The following IDE variants were observed in gnomAD, a reference collection of about 807,000 sequenced individuals.
The protein encoded by IDE is insulin-degrading enzyme.
A neutral mutation model predicts 133.2 loss-of-function variants in IDE; 58 were observed. That is an observed-to-expected ratio of 0.44 (90% CI 0.35 to 0.54). The LOEUF (loss-of-function observed/expected upper bound fraction) is 0.54. Among genes scored for constraint, IDE ranks in the 20% least tolerant of loss-of-function variants. The pLI is 0.00. For synonymous variants in IDE, 396 were observed against 421.3 expected, an observed-to-expected ratio of 0.94 and a Z score of 0.73; for missense variants, 981 against 1,234.0, an observed-to-expected ratio of 0.79 and a Z score of 3.07.
intron 17 of IDE, among the ~76,000 whole-genome samples, chr10:92,471,541 T>C (rs1264442120): frequency 6.6e-6 from 1 of 152,210 alleles, no homozygotes; most frequent in East Asian, 1.9e-4. Context: ...TCTATTCCAC[T>C]GTACTGCCTT....
At chr10:92,487,662 T>C (rs964465695) in intron 12 of IDE, among the ~76,000 whole-genome samples, 3 of 152,344 alleles carry the variant, frequency 2.0e-5, no homozygotes, top group African/African-American at 7.2e-5. Flanking sequence ...TGGAGAATAA[T>C]CTGCTCAGGA....
At chr10:92,510,348 A>C (rs1848516561) in intron 5 of IDE, among the ~76,000 whole-genome samples, 186 bp from the exon 6 acceptor site, 1 of 152,202 alleles carries the variant, frequency 6.6e-6, no homozygotes, top group South Asian at 2.1e-4. Flanking sequence ...TCAAAATATT[A>C]TTTCACAAGT....
intron 1 of IDE, among the ~76,000 whole-genome samples, chr10:92,565,941 T>C (rs1370558695): frequency 6.6e-6 from 1 of 152,044 alleles, no homozygotes; most frequent in African/African-American, 2.4e-5. Flanking sequence ...GCTAAGCCAC[T>C]TACTAGCTGT....
intron 1 of IDE, chr10:92,554,660 C>T (rs1842927955): frequency 6.6e-6 from 1 of 151,978 alleles, no homozygotes; most frequent in Non-Finnish European, 1.5e-5. Flanking sequence ...CCAGTCTGAC[C>T]AACATGGGAA....
At chr10:92,550,386 T>C (rs1369540452) in intron 1 of IDE, among the ~76,000 whole-genome samples, 15 of 152,046 alleles carry the variant, frequency 9.9e-5, no homozygotes, top group Admixed American at 9.8e-4. Flanking sequence ...CCAATAAGCA[T>C]ATAAAAAGAT....
chr10:92,551,322 C>A (rs188107173), intron 1 of IDE, among the ~76,000 whole-genome samples: 1 of 151,952 alleles, frequency 6.6e-6, no homozygotes, highest in Non-Finnish European at 1.5e-5. Context: ...GCAATCCCAG[C>A]ACTTTGGGAG....
chr10:92,535,209 T>C (rs1485456876), intron 2 of IDE, among the ~76,000 whole-genome samples: 1 of 152,200 alleles, frequency 6.6e-6, no homozygotes, highest in East Asian at 1.9e-4. Context: ...GTTCACGCCA[T>C]TCTCCTGCCT....
chr10:92,526,714 T>C (rs1849639232), intron 4 of IDE, among the ~76,000 whole-genome samples: 1 of 151,766 alleles, frequency 6.6e-6, no homozygotes, highest in Non-Finnish European at 1.5e-5. Context: ...AGTGTGGTAG[T>C]GTGTGCGTGT....
At chr10:92,500,754 A>AT (rs761997179) in intron 11 of IDE, among the ~76,000 whole-genome samples, 475 of 143,596 alleles carry the variant, frequency 3.3e-3, no homozygotes, top group Middle Eastern at 3.6e-3. Context: ...ACATTTGGTG[A>AT]TTTTTTTTTT....
chr10:92,488,763 C>T (rs978021877), intron 12 of IDE, among the ~76,000 whole-genome samples: 3 of 146,560 alleles, frequency 2.0e-5, no homozygotes, highest in Admixed American at 6.8e-5. Context: ...GGCAACAGTA[C>T]GAGACTCTGT....
At chr10:92,572,966 A>G in intron 1 of IDE, 1 of 985,330 alleles carries the variant, frequency 1.0e-6, no homozygotes, top group Non-Finnish European at 1.2e-6. Flanking sequence ...ATCAAGTCAA[A>G]GTTCCTTGGA....
intron 4 of IDE, among the ~76,000 whole-genome samples, chr10:92,520,092 A>C (rs1849142051): frequency 1.3e-5 from 2 of 152,134 alleles, no homozygotes; most frequent in Admixed American, 1.3e-4. Flanking sequence ...GTGACAGAGC[A>C]AGACTCCATC....
intron 22 of IDE, among the ~76,000 whole-genome samples, chr10:92,460,217 G>A (rs1038264514): frequency 1.4e-4 from 22 of 152,094 alleles, no homozygotes; most frequent in East Asian, 3.9e-4. Context: ...CTAAGTGAGC[G>A]CAAGCATGTA....
chr10:92,514,455 A>C lies in IDE; in HGVS notation c.784+465T>G, dbSNP rs540185417. 8.4e-4 allele frequency among the ~76,000 whole-genome samples: 127 copies of C among 151,322 alleles called. 1 individual carries two copies. Among genetic ancestry groups the C allele is most frequent in the African/African-American group, 3.1e-3 (126 of 41,156 alleles). On this transcript the variant is annotated intron_variant, in intron 5 of 24. Coordinates refer to ENST00000265986, the MANE Select transcript of IDE (RefSeq NM_004969.4). ...TGTCCTTTTTGTGTGTTTTTTTTTA[A>C]TATGAGATCTCTCTCTGCCACCCAG...
chr10:92,569,575 T>TG (rs1364270950), intron 1 of IDE, among the ~76,000 whole-genome samples: 1 of 152,118 alleles, frequency 6.6e-6, no homozygotes, highest in African/African-American at 2.4e-5. Flanking sequence ...GATTGGGTCT[T>TG]GGGAATAGGC....
At chr10:92,490,089 G>T (rs1232015132) in intron 12 of IDE, among the ~76,000 whole-genome samples, 5 of 152,206 alleles carry the variant, frequency 3.3e-5, no homozygotes, top group African/African-American at 1.2e-4. Flanking sequence ...AGCACCTCCT[G>T]AAGTGAAGAT....
chr10:92,463,809 C>G lies in IDE; in HGVS notation c.2683G>C (p.Asp895His), dbSNP rs1051901293. 6.2e-7 allele frequency: 1 copy of G among 1,614,136 alleles called. No homozygotes were observed. Among genetic ancestry groups the G allele is most frequent in the Middle Eastern group, 1.6e-4 (1 of 6,062 alleles). The change falls in exon 21 of 25, where the codon GAC (aspartate) becomes CAC (histidine). Residue 895 changes from aspartate (D) to histidine (H), a missense_variant. This residue lies in a region of IDE where 660 missense variants were observed against 894.7 expected (regional missense o/e 0.74). Transcript: ENST00000265986. ...TCAGCAGATAGCTTCTTTGGTTTGT[C>G]TAGTCGACGAATTGCTAATGCCTGA... ...HIQALAIRRL[D>H]KPKKLSAECA...
At chr10:92,488,478 G>A (rs1285228998) in intron 12 of IDE, among the ~76,000 whole-genome samples, 2 of 152,046 alleles carry the variant, frequency 1.3e-5, no homozygotes, top group African/African-American at 2.4e-5. Flanking sequence ...TCAAGCACAA[G>A]GTTAAGAACA....
chr10:92,528,372 T>A (rs76220938), intron 4 of IDE, among the ~76,000 whole-genome samples: 1,595 of 152,212 alleles, frequency 0.01, 27 homozygotes, highest in South Asian at 0.05. Context: ...GTCTACTGTC[T>A]ATCACTTTGG....
Sources: allele counts gnomAD v4.1 joint callset (sites outside exome capture counted in the v4.1 genomes callset), GRCh38; gene constraint gnomAD v4.1.1; regional missense constraint gnomAD v4.1.1; transcripts MANE v1.5; gene names NCBI Gene and HGNC (gene_info 2026-07-23, HGNC 2026-07-21).